ARID1B: variants seen among roughly 807,000 people sequenced by gnomAD.
The protein encoded by ARID1B is AT-rich interactive domain-containing protein 1B.
A neutral mutation model predicts 212.3 loss-of-function variants in ARID1B; 30 were observed. That is an observed-to-expected ratio of 0.14 (90% CI 0.11 to 0.19). The LOEUF is 0.19. ARID1B is among the 10% of genes least tolerant of loss of function. The pLI is 1.00. For missense variants in ARID1B, 2,891 were observed against 3,204.0 expected (o/e 0.90, Z 2.36); for synonymous variants, 1,402 against 1,301.7 (o/e 1.08, Z -1.66).
Position 156,876,888 on chromosome 6 carries a change from T to G in ARID1B, c.1987-24488T>G, listed in dbSNP as rs182604256. ...CCTTTGGAATTAAATATTAATTTTT[T>G]TTGTTGTTGTTGTTTGTTTGTTTTT... On this transcript the variant is annotated intron_variant, in intron 2 of 19. Transcript: ENST00000636930. Among the ~76,000 whole-genome samples the G allele has an allele frequency of 1.9e-3, 283 of 152,280 alleles. 5 individuals carry two copies. Among genetic ancestry groups the G allele is most frequent in the South Asian group, 5.4e-3 (26 of 4,820 alleles).
intron 16 of ARID1B, 56 bp from the exon 17 acceptor site, chr6:157,198,753 TTC>T: frequency 7.0e-7 from 1 of 1,424,202 alleles, no homozygotes; most frequent in Non-Finnish European, 9.7e-7. Flanking sequence ...GATTGTTTAT[TTC>T]TCTGTTTGCC....
intron 6 of ARID1B, among the ~76,000 whole-genome samples, chr6:157,115,966 T>C (rs901033224): frequency 3.3e-5 from 5 of 152,184 alleles, no homozygotes; most frequent in African/African-American, 1.2e-4. Context: ...ACCAAAGGCA[T>C]TGGAGGAACA....
chr6:156,866,347 G>A (rs924911694), intron 2 of ARID1B, among the ~76,000 whole-genome samples: 7 of 152,110 alleles, frequency 4.6e-5, no homozygotes, highest in African/African-American at 1.2e-4. Context: ...CCCATCTACC[G>A]CCACACTATA....
Position 156,859,488 on chromosome 6 carries a change from T to G in ARID1B, c.1986+30067T>G, listed in dbSNP as rs147977159. On this transcript the variant is annotated intron_variant, in intron 2 of 19. Transcript: ENST00000636930. The stretch of plus-strand genomic sequence containing the variant: ...TTCGCCTTCCCTTAAGAGTTGGCAT[T>G]TTTTGTTTGGTGCCTTACTTGATGT... Among the ~76,000 whole-genome samples, 493 of 152,294 alleles carry G rather than the reference T, an allele frequency of 3.2e-3. 2 individuals are homozygous for G. The highest frequency in any genetic ancestry group is 0.011 in the African/African-American group (469 of 41,550).
rs144114170 is a variant in ARID1B, at chr6:157,196,432, C to G, written c.4382+117C>G. On this transcript the variant is annotated intron_variant, in intron 16 of 19. Coordinates refer to ENST00000636930, the MANE Select transcript of ARID1B (RefSeq NM_001374828.1). ...GATGACAATATACAGTGTCCCCTTT[C>G]CTGTGAAAGTAAAGAGGCAATGGCT... The G allele has an allele frequency of 6.0e-4, 796 of 1,317,830 alleles. 9 individuals are homozygous for G. In the African/African-American group the frequency reaches 0.011, roughly 18 times the overall value. The allele number at this position is 1,317,830 out of a possible 1,614,324, so 81.6% of individuals were successfully genotyped here. A position where few individuals can be genotyped will look rare whatever the true frequency, so the allele number is the denominator to read the frequency against.
intron 4 of ARID1B, among the ~76,000 whole-genome samples, chr6:156,954,019 A>G (rs1011635283): frequency 6.6e-6 from 1 of 151,872 alleles, no homozygotes; most frequent in Non-Finnish European, 1.5e-5. Flanking sequence ...TGGTTTATGC[A>G]TTATTAACAC....
At chr6:157,118,176 C>T (rs1787457073) in intron 6 of ARID1B, among the ~76,000 whole-genome samples, 1 of 152,084 alleles carries the variant, frequency 6.6e-6, no homozygotes, top group Admixed American at 6.5e-5. Context: ...ATTAACAAGT[C>T]AGTACTGAAA....
At chr6:156,786,599 C>T (rs542764525) in intron 1 of ARID1B, among the ~76,000 whole-genome samples, 2 of 152,220 alleles carry the variant, frequency 1.3e-5, no homozygotes, top group South Asian at 4.2e-4. Flanking sequence ...AGGAAATGAA[C>T]TGTTACTTAA....
chr6:156,945,440 C>T (rs1455311612), intron 4 of ARID1B, among the ~76,000 whole-genome samples: 3 of 151,502 alleles, frequency 2.0e-5, no homozygotes, highest in African/African-American at 7.3e-5. Context: ...AAGCAGGCCA[C>T]AGTGAGCCTG....
intron 2 of ARID1B, among the ~76,000 whole-genome samples, chr6:156,861,680 T>C (rs1459332513): frequency 6.6e-6 from 1 of 152,180 alleles, no homozygotes; most frequent in East Asian, 1.9e-4. Context: ...TGAATGTGAA[T>C]GGTCTTATAC....
chr6:156,798,332 G>T (rs1463779217), intron 1 of ARID1B, among the ~76,000 whole-genome samples: 1 of 152,236 alleles, frequency 6.6e-6, no homozygotes, highest in African/African-American at 2.4e-5. Context: ...GCCTGGGGTC[G>T]TGCCTGGCAT....
chr6:157,149,005 C>T lies in ARID1B; in HGVS notation c.3089+54C>T, dbSNP rs746623000. On this transcript the variant is annotated intron_variant, in intron 8 of 19. Transcript: ENST00000636930. ...AGGTACGCTGTGTGTCTACCCGTGACCACGTGACTGCGCACATAGCTGCAT... is the reference window on the plus strand; with the variant it reads ...AGGTACGCTGTGTGTCTACCCGTGATCACGTGACTGCGCACATAGCTGCAT... The T allele has an allele frequency of 7.2e-6, 11 of 1,529,678 alleles. No individual in the cohort carries two copies. In the Admixed American group the frequency reaches 1.9e-4, roughly 26 times the overall value. 94.8% of individuals were successfully genotyped at this position (1,529,678 alleles called of 1,614,324 possible). A position where few individuals can be genotyped will look rare whatever the true frequency, so the allele number is the denominator to read the frequency against.
intron 2 of ARID1B, among the ~76,000 whole-genome samples, chr6:156,845,031 C>T (rs985594067): frequency 2.6e-5 from 4 of 151,896 alleles, no homozygotes; most frequent in Non-Finnish European, 5.9e-5. Context: ...TTTTGAATAG[C>T]CTTCCCGTGT....
At chr6:157,021,420 G>C (rs915648106) in intron 4 of ARID1B, among the ~76,000 whole-genome samples, 1 of 152,180 alleles carries the variant, frequency 6.6e-6, no homozygotes, top group Non-Finnish European at 1.5e-5. Context: ...AGGGCGGCGA[G>C]CGCGGAGGGG....
At chr6:156,851,263 T>C (rs1045564074) in intron 2 of ARID1B, among the ~76,000 whole-genome samples, 1 of 152,234 alleles carries the variant, frequency 6.6e-6, no homozygotes, top group Non-Finnish European at 1.5e-5. Flanking sequence ...AGGAGGAAGA[T>C]ACCCTATTTG....
intron 4 of ARID1B, among the ~76,000 whole-genome samples, chr6:156,980,461 C>T (rs1408519320): frequency 4.6e-5 from 7 of 151,870 alleles, no homozygotes; most frequent in South Asian, 2.1e-4. Flanking sequence ...CCAGCCTGGG[C>T]GACAAGAGCC....
At chr6:156,937,857 G>T (rs1792377330) in intron 4 of ARID1B, 1 of 148,196 alleles carries the variant, frequency 6.7e-6, no homozygotes, top group African/African-American at 2.5e-5. Flanking sequence ...CATAATGTAA[G>T]TTTTTTTTTT....
intron 1 of ARID1B, 179 bp downstream of exon 1, chr6:156,779,650 C>T (rs1259567660): frequency 2.2e-5 from 11 of 502,070 alleles, no homozygotes; most frequent in African/African-American, 1.3e-4. Flanking sequence ...CCCCGGGGGC[C>T]GGCGCGCTGT....
chr6:156,936,342 C>CAAAAAAAAAAAAAAAAAAAAAAAAA (rs757988115), intron 4 of ARID1B: 5 of 76,782 alleles, frequency 6.5e-5, no homozygotes, highest in African/African-American at 1.8e-4. Context: ...AACTTCATCT[C>CAAAAAAAAAAAAAAAAAAAAAAAAA]AAAAAAAAAA....
Sources: allele counts gnomAD v4.1 joint callset (sites outside exome capture counted in the v4.1 genomes callset), GRCh38; gene constraint gnomAD v4.1.1; transcripts MANE v1.5; gene names NCBI Gene and HGNC (gene_info 2026-07-23, HGNC 2026-07-21).